SRGAP2: variants seen among roughly 807,000 people sequenced by gnomAD.
SRGAP2 encodes the protein SLIT-ROBO Rho GTPase-activating protein 2.
In SRGAP2, 15 loss-of-function variants were observed where a neutral mutation model predicts 57.2. The ratio of observed to expected loss-of-function variants is 0.26; its 90% confidence interval spans 0.18 to 0.40. The LOEUF is 0.40. Ranked by LOEUF, SRGAP2 falls within the 10% of genes least tolerant of loss-of-function variation. The probability of loss-of-function intolerance (pLI) is 1.00; values close to 1 mark genes in which losing one functional copy is unlikely to be tolerated. For missense variants in SRGAP2, 520 were observed against 669.6 expected (o/e 0.78, Z 2.47); for synonymous variants, 249 against 248.0 (o/e 1.00, Z -0.04).
At chr1:206,386,999 G>T (rs1367582350) in intron 5 of SRGAP2, among the ~76,000 whole-genome samples, 1 of 149,770 alleles carries the variant, frequency 6.7e-6, no homozygotes, top group East Asian at 2.0e-4. Context: ...GGTGGTGGGC[G>T]CCTATAGTCC....
chr1:206,278,626 A>G (rs1670556298), intron 2 of SRGAP2, among the ~76,000 whole-genome samples: 1 of 144,574 alleles, frequency 6.9e-6, no homozygotes. Context: ...TTCCTAAAGT[A>G]CTGGGATTAC....
Position 206,419,456 on chromosome 1 carries a change from A to G in SRGAP2, c.1469+56A>G, listed in dbSNP as rs371983610. On this transcript the variant is annotated intron_variant, in intron 12 of 22. Coordinates refer to ENST00000573034, the MANE Select transcript of SRGAP2 (RefSeq NM_015326.5). ...TGATAGAGGCTTGGTGGGTAGAGCA[A>G]TCTTACTCTGGGAGAGAGCCAAGGA... The G allele has an allele frequency of 4.0e-4, 309 of 780,036 alleles. 1 individual carries two copies. The highest frequency in any genetic ancestry group is 5.6e-4 in the Non-Finnish European group (235 of 417,620). The allele number at this position is 780,036 out of a possible 1,614,324, so 48.3% of individuals were successfully genotyped here.
chr1:206,402,510 G>A (rs1220149201), intron 8 of SRGAP2, among the ~76,000 whole-genome samples: 1 of 152,244 alleles, frequency 6.6e-6, no homozygotes, highest in Non-Finnish European at 1.5e-5. Context: ...GAAATTAGAA[G>A]GAGGTTGTAT....
rs148127660 is a variant in SRGAP2, at chr1:206,457,075, G to A, written c.2508-1548G>A. Among the ~76,000 whole-genome samples, 386 of 152,170 alleles carry A rather than the reference G, an allele frequency of 2.5e-3. 1 individual carries two copies. The highest frequency in any genetic ancestry group is 5.4e-3 in the Admixed American group (82 of 15,294). On this transcript the variant is annotated intron_variant, in intron 21 of 22. Coordinates refer to ENST00000573034, the MANE Select transcript of SRGAP2 (RefSeq NM_015326.5). ...GATCCCCCACCAGATTGAGCTCCTT[G>A]AACCCAGGAACTATATCTTCCTTTT... is the stretch of plus-strand genomic sequence containing the variant.
chr1:206,411,278 G>A (rs1659200424), intron 10 of SRGAP2, among the ~76,000 whole-genome samples: 2 of 152,186 alleles, frequency 1.3e-5, no homozygotes, highest in Admixed American at 6.5e-5. Flanking sequence ...GAATTCTTAG[G>A]GACAGGTTTG....
At chr1:206,328,332 A>C in intron 3 of SRGAP2, among the ~76,000 whole-genome samples, 1 of 117,020 alleles carries the variant, frequency 8.5e-6, no homozygotes, top group Admixed American at 9.1e-5. Context: ...CAGTAATGCG[A>C]TGGCTGGGTC....
chr1:206,220,508 C>A (rs182377749), intron 2 of SRGAP2, among the ~76,000 whole-genome samples: 1 of 152,276 alleles, frequency 6.6e-6, no homozygotes, highest in African/African-American at 2.4e-5. Context: ...TAAATACATT[C>A]TGCCCTCGGA....
chr1:206,458,615 G>A lies in SRGAP2; in HGVS notation c.2508-8G>A. The A allele has an allele frequency of 1.4e-6, 1 of 734,988 alleles. No individual in the cohort carries two copies. The highest frequency in any genetic ancestry group is 2.5e-6 in the Non-Finnish European group (1 of 393,776). The allele number at this position is 734,988 out of a possible 1,614,324, so 45.5% of individuals were successfully genotyped here. ...TGATCACACTGCCCTTTCTGTTTGT[G>A]ATTGAAGGCAAAGGAAGCGTCCAGA... On this transcript the variant is annotated splice_region_variant and splice_polypyrimidine_tract_variant and intron_variant, in intron 21 of 22. Coordinates refer to ENST00000573034, the MANE Select transcript of SRGAP2 (RefSeq NM_015326.5).
At chr1:206,423,384 C>T (rs1367481999) in intron 13 of SRGAP2, among the ~76,000 whole-genome samples, 1 of 152,160 alleles carries the variant, frequency 6.6e-6, no homozygotes, top group East Asian at 1.9e-4. Flanking sequence ...TTCTTTTGTT[C>T]TATAATGCTG....
chr1:206,440,863 G>A (rs1230670602), intron 17 of SRGAP2, among the ~76,000 whole-genome samples: 5 of 152,100 alleles, frequency 3.3e-5, no homozygotes, highest in Admixed American at 6.5e-5. Context: ...TCTGATTTGT[G>A]TATTTTATTT....
At chr1:206,444,642 C>A (rs1267609037) in intron 17 of SRGAP2, among the ~76,000 whole-genome samples, 2 of 152,188 alleles carry the variant, frequency 1.3e-5, no homozygotes, top group Non-Finnish European at 2.9e-5. Flanking sequence ...TCTGAGGTTA[C>A]CAAGGTAATT....
chr1:206,318,799 C>G (rs1224035810), intron 3 of SRGAP2, among the ~76,000 whole-genome samples: 1 of 152,110 alleles, frequency 6.6e-6, no homozygotes, highest in East Asian at 1.9e-4. Flanking sequence ...CATGAACTCA[C>G]TTATCACCAC....
At chr1:206,392,612 A>G (rs1249395386) in intron 5 of SRGAP2, 77 bp from the exon 6 acceptor site, 1 of 703,894 alleles carries the variant, frequency 1.4e-6, no homozygotes, top group Admixed American at 2.1e-5. Context: ...GCTCCAGCTG[A>G]GTCTGTTAGT....
intron 3 of SRGAP2, among the ~76,000 whole-genome samples, chr1:206,305,923 A>G (rs1365862618): frequency 6.6e-6 from 1 of 151,900 alleles, no homozygotes; most frequent in Non-Finnish European, 1.5e-5. Flanking sequence ...TCTCTTTATG[A>G]TAAGAGAATC....
intron 2 of SRGAP2, among the ~76,000 whole-genome samples, chr1:206,300,867 C>T (rs1290575918): frequency 1.3e-5 from 2 of 151,426 alleles, no homozygotes; most frequent in African/African-American, 4.9e-5. Context: ...ACTAACTATT[C>T]CTTTCTATTC....
chr1:206,333,667 C>T (rs1674554975), intron 3 of SRGAP2, among the ~76,000 whole-genome samples: 1 of 152,258 alleles, frequency 6.6e-6, no homozygotes. Context: ...GCCAGGAGTA[C>T]AGGCACGTGT....
chr1:206,257,965 C>G lies in SRGAP2; in HGVS notation c.68-45316C>G, dbSNP rs1450666789. 5.9e-5 allele frequency among the ~76,000 whole-genome samples: 9 copies of G among 151,550 alleles called. No individual in the cohort carries two copies. The East Asian group carries it at 1.8e-3, about 30-fold the overall frequency. On this transcript the variant is annotated intron_variant, in intron 2 of 22. Transcript: ENST00000573034. ...GCAAGAGTGGTCCTGATGGGTAGAA[C>G]GGCAAGTGCAGGGACCTAAGATGTG...
intron 4 of SRGAP2, among the ~76,000 whole-genome samples, chr1:206,378,648 GT>G (rs1398871872): frequency 1.3e-5 from 2 of 152,092 alleles, no homozygotes; most frequent in African/African-American, 4.8e-5. Context: ...TCAGCACTCT[GT>G]AAAAACGCAC....
intron 4 of SRGAP2, among the ~76,000 whole-genome samples, chr1:206,347,279 CAAAA>C (rs1361469858): frequency 4.0e-5 from 6 of 151,422 alleles, no homozygotes; most frequent in Non-Finnish European, 8.8e-5. Flanking sequence ...AACAAAAAAA[CAAAA>C]AACAAAACAG....
Sources: gnomAD v4.1 joint callset for allele counts (sites outside exome capture counted in the v4.1 genomes callset) on GRCh38, gnomAD v4.1.1 for gene constraint, MANE v1.5 for transcripts, NCBI Gene and HGNC (gene_info 2026-07-23, HGNC 2026-07-21) for gene names.